EPGN: variants seen among roughly 807,000 people sequenced by gnomAD.
EPGN encodes the protein epigen.
Under a neutral mutation model 20.7 loss-of-function variants are expected in EPGN, and 21 were observed. The observed-to-expected ratio is 1.01, with a 90% CI of 0.72 to 1.46. The LOEUF (loss-of-function observed/expected upper bound fraction) is 1.46. Among genes scored for constraint, EPGN ranks in the 40% most tolerant of loss-of-function variants. EPGN has a pLI of 0.00. For synonymous variants in EPGN, 69 were observed against 63.8 expected, an observed-to-expected ratio of 1.08 and a Z score of -0.39; for missense variants, 199 against 180.7, an observed-to-expected ratio of 1.10 and a Z score of -0.58.
intron 3 of EPGN, 115 bp from the exon 4 acceptor site, chr4:74,312,903 G>A: frequency 1.1e-6 from 1 of 873,732 alleles, no homozygotes; most frequent in Non-Finnish European, 1.7e-6. Flanking sequence ...TTTGGTATTT[G>A]CCTCTTTAAT....
Position 74,315,911 on chromosome 4 carries a change from C to T in EPGN, c.*1274C>T, listed in dbSNP as rs1214490554. ...AGGTTGTAGTGAGCCGAGATGGCAA[C>T]CCTGCACTCCAACCTGGGTGACAAG... On this transcript the variant is annotated 3_prime_UTR_variant, in exon 5 of 5. Transcript: ENST00000413830. Among the ~76,000 whole-genome samples the T allele has an allele frequency of 6.6e-6, 1 of 151,318 alleles. No homozygotes were observed. The highest frequency in any genetic ancestry group is 1.5e-5 in the Non-Finnish European group (1 of 67,918).
intron 4 of EPGN, 138 bp downstream of exon 4, chr4:74,313,308 T>C: frequency 1.4e-6 from 2 of 1,411,112 alleles, no homozygotes; most frequent in South Asian, 3.4e-5. Context: ...AAAAAGTTTC[T>C]ATGTAATATT....
chr4:74,314,434 C>A, intron 4 of EPGN, 146 bp from the exon 5 acceptor site: 1 of 744,116 alleles, frequency 1.3e-6, no homozygotes, highest in Non-Finnish European at 2.2e-6. Flanking sequence ...TTAATGCCCA[C>A]AGCTGCTGAG....
At chr4:74,312,905 C>A in intron 3 of EPGN, 113 bp from the exon 4 acceptor site, 1 of 906,196 alleles carries the variant, frequency 1.1e-6, no homozygotes, top group Non-Finnish European at 1.6e-6. Flanking sequence ...TGGTATTTGC[C>A]TCTTTAATTT....
intron 2 of EPGN, among the ~76,000 whole-genome samples, chr4:74,309,947 C>T (rs1490077643): frequency 6.6e-6 from 1 of 152,028 alleles, no homozygotes; most frequent in Non-Finnish European, 1.5e-5. Flanking sequence ...CAGAGTCAGG[C>T]AAATAAAGGA....
In EPGN at chr4:74,315,952, C is replaced by CAAAA. The variant is rs200784402; in HGVS notation, c.*1329_*1332dup. Among the ~76,000 whole-genome samples the CAAAA allele has an allele frequency of 3.6e-5, 4 of 111,452 alleles. No homozygotes were observed. The highest frequency in any genetic ancestry group is 8.0e-5 in the Non-Finnish European group (4 of 50,254). 73.1% of individuals were successfully genotyped at this position (111,452 alleles called of 152,430 possible). On this transcript the variant is annotated 3_prime_UTR_variant, in exon 5 of 5. Coordinates refer to ENST00000413830, the MANE Select transcript of EPGN (RefSeq NM_001270989.2). The stretch of plus-strand genomic sequence containing the variant: ...GGGTGACAAGAGCGAAACTCCATCT[C>CAAAA]AAAAAAAAAAAAAAAAATCAGTATC...
rs1388384459 is a variant in EPGN at position 74,314,273 on chromosome 4, A to G, written c.408-307A>G. 5.4e-5 allele frequency: 27 copies of G among 500,980 alleles called. No individual in the cohort carries two copies. In the East Asian group the frequency reaches 1.2e-3, roughly 23 times the overall value. 31.0% of individuals were successfully genotyped at this position (500,980 alleles called of 1,614,324 possible). The stretch of plus-strand genomic sequence containing the variant: ...AGCAGTGTAGACCTCTCCCAAGGAG[A>G]TGAGGCATCTGGATTTCAATATCCC... On this transcript the variant is annotated intron_variant, in intron 4 of 4. Transcript: ENST00000413830.
intron 1 of EPGN, 28 bp downstream of exon 1, chr4:74,308,604 C>T (rs1387097823): frequency 6.3e-7 from 1 of 1,584,608 alleles, no homozygotes; most frequent in East Asian, 2.2e-5. Flanking sequence ...GTTTTGTTAA[C>T]TTTATATCAG....
chr4:74,312,984 G>T (rs371369261), intron 3 of EPGN, 34 bp from the exon 4 acceptor site: 21 of 1,513,090 alleles, frequency 1.4e-5, no homozygotes, highest in Non-Finnish European at 1.9e-5. Context: ...ACCACCGTAG[G>T]TTTTAAAATT....
At position 74,316,561 on chromosome 4, in the gene EPGN, G is replaced by A. The variant is rs903887187; in HGVS notation, c.*1924G>A. Among the ~76,000 whole-genome samples, 1 of 152,178 alleles carries A rather than the reference G, an allele frequency of 6.6e-6. No individual in the cohort carries two copies. Among genetic ancestry groups the A allele is most frequent in the Non-Finnish European group, 1.5e-5 (1 of 68,032 alleles). On this transcript the variant is annotated 3_prime_UTR_variant, in exon 5 of 5. Transcript: ENST00000413830. ...AGAAGGAATTTAATGCAAACGGATTGCAGTCAGCACTTTCTGAATGTTTTC... is the reference window on the plus strand; with the variant it reads ...AGAAGGAATTTAATGCAAACGGATTACAGTCAGCACTTTCTGAATGTTTTC...
At chr4:74,314,394 C>T in intron 4 of EPGN, 186 bp from the exon 5 acceptor site, 1 of 625,492 alleles carries the variant, frequency 1.6e-6, no homozygotes, top group Non-Finnish European at 2.8e-6. Context: ...TATGGGCAGA[C>T]CTTGGGAGAA....
At chr4:74,313,877 GC>G (rs1751128524) in intron 4 of EPGN, among the ~76,000 whole-genome samples, 1 of 152,086 alleles carries the variant, frequency 6.6e-6, no homozygotes, top group African/African-American at 2.4e-5. Flanking sequence ...GACCAAAACT[GC>G]CTGTTCAAAA....
At chr4:74,312,411 T>G in intron 3 of EPGN, 106 bp downstream of exon 3, 1 of 1,320,838 alleles carries the variant, frequency 7.6e-7, no homozygotes, top group East Asian at 2.5e-5. Context: ...TTTAAAAGGG[T>G]GCATAATCTG....
intron 2 of EPGN, among the ~76,000 whole-genome samples, chr4:74,310,874 A>G (rs1490434199): frequency 6.6e-6 from 1 of 152,200 alleles, no homozygotes; most frequent in African/African-American, 2.4e-5. Flanking sequence ...TTTAGGGAAT[A>G]ATGACAAGAA....
In EPGN at chr4:74,314,819, G is replaced by A; in HGVS notation, c.*182G>A. 4.9e-6 allele frequency: 3 copies of A among 608,248 alleles called. No individual in the cohort carries two copies. The highest frequency in any genetic ancestry group is 6.1e-5 in the Admixed American group (2 of 32,832). The allele number at this position is 608,248 out of a possible 1,614,324, so 37.7% of individuals were successfully genotyped here. A position where few individuals can be genotyped will look rare whatever the true frequency, so the allele number is the denominator to read the frequency against. On this transcript the variant is annotated 3_prime_UTR_variant, in exon 5 of 5. Coordinates refer to ENST00000413830, the MANE Select transcript of EPGN (RefSeq NM_001270989.2). ...GCCTTTAGACTTTGCCATCCTTAAG[G>A]AGTGATGGAAGCCAAGTGAACAAGC... is the stretch of plus-strand genomic sequence containing the variant.
chr4:74,312,072 C>G (rs1156997172), intron 2 of EPGN, 113 bp from the exon 3 acceptor site: 2 of 1,233,092 alleles, frequency 1.6e-6, no homozygotes, highest in Non-Finnish European at 2.2e-6. Flanking sequence ...TTAAAGGACA[C>G]AGCACCACCC....
At chr4:74,308,996 T>A in intron 1 of EPGN, 97 bp from the exon 2 acceptor site, 1 of 917,394 alleles carries the variant, frequency 1.1e-6, no homozygotes, top group Non-Finnish European at 1.7e-6. Context: ...ATTAAAAAAA[T>A]AGAAATTGGA....
At chr4:74,312,436 G>A in intron 3 of EPGN, 131 bp downstream of exon 3, 3 of 981,950 alleles carry the variant, frequency 3.1e-6, no homozygotes, top group South Asian at 2.2e-5. Context: ...TGACTTGACA[G>A]GCCTCTACAT....
chr4:74,308,995 A>G, intron 1 of EPGN, 98 bp from the exon 2 acceptor site: 1 of 913,504 alleles, frequency 1.1e-6, no homozygotes, highest in East Asian at 2.5e-5. Context: ...AATTAAAAAA[A>G]TAGAAATTGG....
Sources: gnomAD v4.1 joint callset for allele counts (sites outside exome capture counted in the v4.1 genomes callset) on GRCh38, gnomAD v4.1.1 for gene constraint, MANE v1.5 for transcripts, NCBI Gene and HGNC (gene_info 2026-07-23, HGNC 2026-07-21) for gene names.